SLC2A3: variants seen among roughly 807,000 people sequenced by gnomAD.
SLC2A3 encodes the protein solute carrier family 2, facilitated glucose transporter member 3.
A neutral mutation model predicts 46.4 loss-of-function variants in SLC2A3; 21 were observed. That is an observed-to-expected ratio of 0.45 (90% confidence interval 0.32 to 0.65). The LOEUF (loss-of-function observed/expected upper bound fraction) is 0.65, where lower values mean the gene tolerates loss of function less well. Ranked by LOEUF, SLC2A3 falls within the 30% of genes least tolerant of loss-of-function variation. The pLI is 0.04. For synonymous variants in SLC2A3, 213 were observed against 239.4 expected, an observed-to-expected ratio of 0.89 and a Z score of 1.02; for missense variants, 499 against 623.3, an observed-to-expected ratio of 0.80 and a Z score of 2.12.
chr12:7,921,770 C>T (rs745626962), intron 9 of SLC2A3, 139 bp from the exon 10 acceptor site: 127 of 965,280 alleles, frequency 1.3e-4, no homozygotes, highest in Admixed American at 2.6e-4. Flanking sequence ...TCTTCAGATT[C>T]GCTTATGATT....
At chr12:7,927,299 A>T (rs1348001307) in intron 6 of SLC2A3, among the ~76,000 whole-genome samples, 1 of 152,096 alleles carries the variant, frequency 6.6e-6, no homozygotes, top group East Asian at 1.9e-4. Context: ...ATATTAGGCT[A>T]GTGCAAAAGT....
At chr12:7,929,467 CTTTT>C in intron 6 of SLC2A3, 1 of 618,920 alleles carries the variant, frequency 1.6e-6, no homozygotes, top group South Asian at 3.5e-5. Context: ...TTTTTTTTTC[CTTTT>C]TTTAAATTTC....
At chr12:7,925,599 C>A in intron 7 of SLC2A3, 1 of 348,882 alleles carries the variant, frequency 2.9e-6, no homozygotes, top group Non-Finnish European at 5.3e-6. Flanking sequence ...TTCCAAGCAC[C>A]TTTCCTCCAA....
intron 9 of SLC2A3, among the ~76,000 whole-genome samples, chr12:7,922,450 A>G (rs1946047622): frequency 6.6e-6 from 1 of 152,010 alleles, no homozygotes; most frequent in African/African-American, 2.4e-5. Context: ...GAAGAAGAGG[A>G]GGGACTGCTG....
Position 7,929,668 on chromosome 12 carries a change from A to T in SLC2A3, c.861+16T>A. ...AATACTTTAAGACACGTTTGACCCT[A>T]AAGTATCACACTCACAGCATTGATC... On this transcript the variant is annotated intron_variant, in intron 6 of 9. Transcript: ENST00000075120. The T allele has an allele frequency of 6.2e-7, 1 of 1,612,746 alleles. No homozygotes were observed. Among genetic ancestry groups the T allele is most frequent in the Non-Finnish European group, 8.5e-7 (1 of 1,179,178 alleles).
At position 7,920,278 on chromosome 12, in the gene SLC2A3, A is replaced by G. The variant is rs1946021894; in HGVS notation, c.*1135T>C. ...AGTGGAAAAATAATGAATCTCTACC[A>G]AGAACCAATTATTTTAGGTTTCTTA... On this transcript the variant is annotated 3_prime_UTR_variant, in exon 10 of 10. Coordinates refer to ENST00000075120, the MANE Select transcript of SLC2A3 (RefSeq NM_006931.3). 6.6e-6 allele frequency: 1 copy of G among 152,118 alleles called. No individual in the cohort carries two copies. The highest frequency in any genetic ancestry group is 1.5e-5 in the Non-Finnish European group (1 of 68,042). The allele number at this position is 152,118 out of a possible 1,614,324, so 9.4% of individuals were successfully genotyped here.
At chr12:7,924,992 T>G (rs79990247) in intron 7 of SLC2A3, among the ~76,000 whole-genome samples, 11,923 of 151,010 alleles carry the variant, frequency 0.079, 3 homozygotes, top group East Asian at 0.18. Flanking sequence ...GAGAACCAAT[T>G]AAGTCTGCAT....
rs375759055 is a variant in SLC2A3 at position 7,932,947 on chromosome 12, C to G, written c.269+40G>C. 402 of 1,610,398 alleles carry G rather than the reference C, an allele frequency of 2.5e-4. 1 individual carries two copies. The highest frequency in any genetic ancestry group is 3.3e-4 in the Non-Finnish European group (393 of 1,178,356). Reference sequence around the variant, plus strand: ...CTCTCCACACTTGTCCTCAATGTGGCTGGTAGAGCCCACTTCCTTGCCCAG... The same window carrying G: ...CTCTCCACACTTGTCCTCAATGTGGGTGGTAGAGCCCACTTCCTTGCCCAG... On this transcript the variant is annotated intron_variant, in intron 3 of 9. Coordinates refer to ENST00000075120, the MANE Select transcript of SLC2A3 (RefSeq NM_006931.3).
In SLC2A3 at chr12:7,925,931, TG is replaced by T. The variant is rs1232442695; in HGVS notation, c.878del (p.Thr293LysfsTer28). ...SGINAVFYYS[T>X]GIFKDAGVQE... Reference sequence around the variant, plus strand: ...GAACACCTGCATCCTTGAAGATTCCTGTTGAGTAATAGAACACCTAGGAGAA... The same window carrying T: ...GAACACCTGCATCCTTGAAGATTCCTTTGAGTAATAGAACACCTAGGAGAA... On this transcript the variant is annotated frameshift_variant, in exon 7 of 10. Transcript: ENST00000075120. LOFTEE classifies it high-confidence loss of function. The T allele has an allele frequency of 6.2e-7, 1 of 1,613,510 alleles. No homozygotes were observed.
intron 9 of SLC2A3, among the ~76,000 whole-genome samples, chr12:7,922,221 A>G (rs112396123): frequency 0.042 from 6,450 of 151,798 alleles, 367 homozygotes; most frequent in East Asian, 0.22. Flanking sequence ...GAGCCACGAC[A>G]CCCGGCCTAA....
In SLC2A3 at chr12:7,922,832, G is replaced by C; in HGVS notation, c.1261C>G (p.Pro421Ala). ...GTGAGTTTACTTACAGCAGCGGAGG[G>C]GAAGAGCAATCCGACTAGGAAGTTG... ...TSNFLVGLLF[P>A]SAAHYLGAYV... The change falls in exon 9 of 10, where the codon CCC becomes GCC. Residue 421 changes from proline (P) to alanine (A), a missense_variant. Physicochemically the swap from Pro to Ala is conservative, Grantham distance 27. This residue lies in a region of SLC2A3 where 179 missense variants were observed against 205.1 expected (regional missense o/e 0.87). Transcript: ENST00000075120. The C allele has an allele frequency of 6.2e-7, 1 of 1,614,000 alleles. No individual in the cohort carries two copies. The highest frequency in any genetic ancestry group is 8.5e-7 in the Non-Finnish European group (1 of 1,179,906).
At chr12:7,930,769 T>C in intron 4 of SLC2A3, 127 bp from the exon 5 acceptor site, 1 of 1,096,114 alleles carries the variant, frequency 9.1e-7, no homozygotes, top group Admixed American at 3.0e-5. Context: ...ATTGTGTTTC[T>C]TTTCCTTTCT....
Position 7,921,619 on chromosome 12 carries a change from C to T in SLC2A3, c.1285G>A (p.Ala429Thr). 6.2e-7 allele frequency: 1 copy of T among 1,613,680 alleles called. No individual in the cohort carries two copies. Among genetic ancestry groups the T allele is most frequent in the African/African-American group, 1.3e-5 (1 of 74,986 alleles). Residue 429 changes from alanine (A) to threonine (T), a missense_variant, in exon 10 of 10, where the codon GCC becomes ACC. Ala to Thr is a moderately conservative substitution (Grantham distance 58). Around this residue, in one of 5 missense-constraint regions of SLC2A3, gnomAD observed 179 missense variants for 205.1 expected, o/e 0.87. Transcript: ENST00000075120. ...LFPSAAHYLG[A>T]YVFIIFTGFL... ...CCGGTGAAGATAATAAAAACGTAGG[C>T]TCCTAAATAGTGCTAGAGAAAGGAC...
intron 6 of SLC2A3, among the ~76,000 whole-genome samples, chr12:7,926,707 T>C (rs1193004702): frequency 3.9e-5 from 6 of 152,210 alleles, no homozygotes; most frequent in Admixed American, 1.3e-4. Flanking sequence ...TCTCAAAACA[T>C]TGATAGGGAC....
At chr12:7,934,377 T>A (rs1946191542) in intron 1 of SLC2A3, among the ~76,000 whole-genome samples, 1 of 152,078 alleles carries the variant, frequency 6.6e-6, no homozygotes, top group Non-Finnish European at 1.5e-5. Context: ...TCTTCACTGC[T>A]GGGTGGCTCT....
chr12:7,928,397 C>CA (rs749596451), intron 6 of SLC2A3, among the ~76,000 whole-genome samples: 3,590 of 143,112 alleles, frequency 0.025, 134 homozygotes, highest in African/African-American at 0.084. Flanking sequence ...GACTCTGTTT[C>CA]AAAAAAAAAA....
chr12:7,925,852 C>T lies in SLC2A3; in HGVS notation c.958G>A (p.Val320Ile). The T allele has an allele frequency of 6.2e-7, 1 of 1,611,612 alleles. No homozygotes were observed. The highest frequency in any genetic ancestry group is 1.1e-5 in the South Asian group (1 of 91,012). The change falls in exon 7 of 10, where the codon GTA becomes ATA. Residue 320 changes from valine (V) to isoleucine (I), a missense_variant. Val to Ile is a conservative substitution (Grantham distance 29). Transcript: ENST00000075120. ...GAGVVNTIFT[V>I]VSLFLVERAG... ...CAAACCATCCAACTTACAGAAACTACAGTGAAGATAGTATTAACCACACCC... is the reference window on the plus strand; with the variant it reads ...CAAACCATCCAACTTACAGAAACTATAGTGAAGATAGTATTAACCACACCC...
chr12:7,933,602 T>G (rs1946181894), intron 2 of SLC2A3: 1 of 552,060 alleles, frequency 1.8e-6, no homozygotes, highest in Non-Finnish European at 3.2e-6. Context: ...TAAAATCCCC[T>G]AGTTTGGGGA....
Position 7,922,967 on chromosome 12 carries a change from A to T in SLC2A3, c.1126T>A (p.Phe376Ile). 6.2e-7 allele frequency: 1 copy of T among 1,614,120 alleles called. No homozygotes were observed. Among genetic ancestry groups the T allele is most frequent in the Non-Finnish European group, 8.5e-7 (1 of 1,180,018 alleles). The change falls in exon 9 of 10, where the codon TTC (phenylalanine) becomes ATC (isoleucine). Residue 376 changes from phenylalanine (F) to isoleucine (I), a missense_variant. Physicochemically the swap from Phe to Ile is conservative, Grantham distance 21. Around this residue, in one of 5 missense-constraint regions of SLC2A3, gnomAD observed 179 missense variants for 205.1 expected, o/e 0.87. Coordinates refer to ENST00000075120, the MANE Select transcript of SLC2A3 (RefSeq NM_006931.3). ...CIGAILVFVA[F>I]FEIGPGPIPW... ...ATGGGGCCTGGTCCAATTTCAAAGA[A>T]GGCTACAAAGACCAAGATAGCCCCA...
Sources: allele counts gnomAD v4.1 joint callset (sites outside exome capture counted in the v4.1 genomes callset), GRCh38; gene constraint gnomAD v4.1.1; regional missense constraint gnomAD v4.1.1; transcripts MANE v1.5; gene names NCBI Gene and HGNC (gene_info 2026-07-23, HGNC 2026-07-21).